The following NRG3 variants were observed in gnomAD, a reference collection of about 807,000 sequenced individuals.
The protein encoded by NRG3 is pro-neuregulin-3, membrane-bound isoform.
In NRG3, 31 loss-of-function variants were observed where a neutral mutation model predicts 66.9. The ratio of observed to expected loss-of-function variants is 0.46; its 90% CI spans 0.35 to 0.63. NRG3 has a LOEUF of 0.63. Among genes scored for constraint, NRG3 ranks in the 20% least tolerant of loss-of-function variants. NRG3 has a pLI of 0.00. For missense variants in NRG3, 910 were observed against 878.9 expected, an observed-to-expected ratio of 1.04 and a Z score of -0.45; for synonymous variants, 393 against 359.4, an observed-to-expected ratio of 1.09 and a Z score of -1.06.
At chr10:82,249,438 C>T (rs1021860033) in intron 1 of NRG3, among the ~76,000 whole-genome samples, 5 of 152,184 alleles carry the variant, frequency 3.3e-5, no homozygotes, top group Non-Finnish European at 7.3e-5. Flanking sequence ...TCCCACCCCC[C>T]ACCATCTTTT....
chr10:82,198,739 C>T (rs2074588138), intron 1 of NRG3, among the ~76,000 whole-genome samples: 1 of 152,092 alleles, frequency 6.6e-6, no homozygotes, highest in African/African-American at 2.4e-5. Flanking sequence ...TGGCTCACGC[C>T]TGTAATCCCA....
chr10:82,054,680 T>G (rs551694001), intron 1 of NRG3, among the ~76,000 whole-genome samples: 48 of 151,992 alleles, frequency 3.2e-4, no homozygotes, highest in African/African-American at 1.2e-3. Flanking sequence ...CAAAGGGGAA[T>G]GAAAACGAGT....
chr10:82,896,223 A>T (rs1275156977), intron 4 of NRG3, among the ~76,000 whole-genome samples: 2 of 152,192 alleles, frequency 1.3e-5, no homozygotes, highest in Non-Finnish European at 2.9e-5. Context: ...TCTTCCTGAC[A>T]TCCTACCAGT....
intron 1 of NRG3, among the ~76,000 whole-genome samples, chr10:82,094,477 A>G (rs906209877): frequency 6.6e-6 from 1 of 152,230 alleles, no homozygotes; most frequent in African/African-American, 2.4e-5. Flanking sequence ...TTGATCTAGC[A>G]GTTCCCCTGC....
intron 4 of NRG3, among the ~76,000 whole-genome samples, chr10:82,914,283 G>C (rs1845621220): frequency 6.6e-6 from 1 of 151,896 alleles, no homozygotes; most frequent in Non-Finnish European, 1.5e-5. Flanking sequence ...CTGTATCTGA[G>C]TTTGATTTTG....
chr10:82,025,990 A>C (rs893470065), intron 1 of NRG3, among the ~76,000 whole-genome samples: 2 of 152,068 alleles, frequency 1.3e-5, no homozygotes, highest in Admixed American at 6.6e-5. Context: ...CATATACAAC[A>C]GGGGGAAATC....
intron 1 of NRG3, among the ~76,000 whole-genome samples, chr10:81,944,943 A>G (rs1481896080): frequency 2.0e-5 from 3 of 151,910 alleles, no homozygotes; most frequent in African/African-American, 7.3e-5. Flanking sequence ...CTCAACCACC[A>G]CTTCCCAGCA....
At chr10:82,912,059 A>G (rs988624169) in intron 4 of NRG3, among the ~76,000 whole-genome samples, 1 of 152,142 alleles carries the variant, frequency 6.6e-6, no homozygotes, top group Non-Finnish European at 1.5e-5. Context: ...TGATTTATAT[A>G]ATTTTCATGT....
chr10:82,814,750 A>G (rs951488972), intron 3 of NRG3, among the ~76,000 whole-genome samples: 63 of 152,248 alleles, frequency 4.1e-4, no homozygotes, highest in African/African-American at 1.4e-3. Context: ...TTTAAAAAGC[A>G]CTTTTATAAA....
intron 2 of NRG3, among the ~76,000 whole-genome samples, chr10:82,604,581 A>G (rs978640510): frequency 2.0e-5 from 3 of 152,154 alleles, no homozygotes; most frequent in Admixed American, 6.6e-5. Flanking sequence ...CACTGACACT[A>G]TTTGACTTGA....
At chr10:82,387,046 C>T (rs930678844) in intron 2 of NRG3, among the ~76,000 whole-genome samples, 11 of 152,210 alleles carry the variant, frequency 7.2e-5, no homozygotes, top group East Asian at 3.9e-4. Context: ...GTGATCTGCC[C>T]GCCTTGGCCT....
chr10:82,943,385 C>T (rs1001063166), intron 4 of NRG3, among the ~76,000 whole-genome samples: 39 of 152,156 alleles, frequency 2.6e-4, no homozygotes, highest in African/African-American at 8.2e-4. Flanking sequence ...TGATCTTAGC[C>T]AGGCCACCCT....
intron 1 of NRG3, among the ~76,000 whole-genome samples, chr10:82,015,300 A>C (rs1229940389): frequency 2.0e-5 from 3 of 152,202 alleles, no homozygotes; most frequent in Non-Finnish European, 4.4e-5. Context: ...ATGTATTTGA[A>C]GATACTTTTC....
chr10:82,018,569 A>C (rs1235836057), intron 1 of NRG3, among the ~76,000 whole-genome samples: 3 of 152,194 alleles, frequency 2.0e-5, no homozygotes, highest in Non-Finnish European at 4.4e-5. Flanking sequence ...ATCCATGAGC[A>C]TGGAATGTTC....
intron 1 of NRG3, among the ~76,000 whole-genome samples, chr10:82,315,955 T>G (rs2081272850): frequency 6.6e-6 from 1 of 152,082 alleles, no homozygotes; most frequent in African/African-American, 2.4e-5. Context: ...CCCATATATG[T>G]GATTTTTACC....
At chr10:82,196,787 G>T (rs950230013) in intron 1 of NRG3, among the ~76,000 whole-genome samples, 1 of 152,148 alleles carries the variant, frequency 6.6e-6, no homozygotes, top group Non-Finnish European at 1.5e-5. Context: ...GTGCAGGAAT[G>T]CCCATATAAT....
chr10:82,745,639 G>T (rs377264271), intron 3 of NRG3, among the ~76,000 whole-genome samples: 1 of 152,016 alleles, frequency 6.6e-6, no homozygotes, highest in East Asian at 1.9e-4. Context: ...AATTCTGTCA[G>T]GTTGTATATT....
At chr10:82,216,695 GTCTCA>G (rs2075705312) in intron 1 of NRG3, among the ~76,000 whole-genome samples, 5 of 150,964 alleles carry the variant, frequency 3.3e-5, no homozygotes, top group Admixed American at 1.3e-4. Context: ...ATTTTCTTCA[GTCTCA>G]TAGCTACAGA....
At chr10:82,906,293 T>C (rs1844729307) in intron 4 of NRG3, among the ~76,000 whole-genome samples, 1 of 152,200 alleles carries the variant, frequency 6.6e-6, no homozygotes, top group Non-Finnish European at 1.5e-5. Context: ...GTTTGAGGCT[T>C]CACACGTCGT....
Sources: allele counts gnomAD v4.1 joint callset (sites outside exome capture counted in the v4.1 genomes callset), GRCh38; gene constraint gnomAD v4.1.1; transcripts MANE v1.5; gene names NCBI Gene and HGNC (gene_info 2026-07-23, HGNC 2026-07-21).